ROR2: variants seen among roughly 807,000 people sequenced by gnomAD.
ROR2 encodes ROR family WNT receptor 2, also known as tyrosine-protein kinase transmembrane receptor ROR2.
Under a neutral mutation model 74.9 loss-of-function variants are expected in ROR2, and 33 were observed. The ratio of observed to expected loss-of-function variants is 0.44; its 90% CI spans 0.33 to 0.59. ROR2 has a LOEUF of 0.59. Ranked by LOEUF, ROR2 falls within the 20% of genes least tolerant of loss-of-function variation. ROR2 has a pLI of 0.02. For missense variants in ROR2, 1,216 were observed against 1,313.8 expected, an observed-to-expected ratio of 0.93 and a Z score of 1.15; for synonymous variants, 586 against 558.7, an observed-to-expected ratio of 1.05 and a Z score of -0.69.
chr9:91,834,599 G>A (rs1277858206), intron 1 of ROR2, among the ~76,000 whole-genome samples: 7 of 152,310 alleles, frequency 4.6e-5, no homozygotes, highest in Middle Eastern at 3.4e-3. Context: ...AAAGGTCAGC[G>A]AGATTCATGC....
At chr9:91,781,835 T>G (rs1049526638) in intron 1 of ROR2, among the ~76,000 whole-genome samples, 8 of 152,246 alleles carry the variant, frequency 5.3e-5, no homozygotes, top group Non-Finnish European at 8.8e-5. Flanking sequence ...TGAACTTTGC[T>G]GTGATTCCAC....
chr9:91,782,412 C>A lies in ROR2; in HGVS notation c.98-6594G>T, dbSNP rs187418584. Among the ~76,000 whole-genome samples the A allele has an allele frequency of 2.0e-5, 3 of 151,726 alleles. No individual in the cohort carries two copies. The East Asian group carries it at 5.8e-4, about 29-fold the overall frequency. On this transcript the variant is annotated intron_variant, in intron 1 of 8. Transcript: ENST00000375708. Reference sequence around the variant, plus strand: ...GGATGTAAAAAAGAAAAAAAAAACACCCTGATTAGAAAAGAAACTGCATTA... The same window carrying A: ...GGATGTAAAAAAGAAAAAAAAAACAACCTGATTAGAAAAGAAACTGCATTA...
chr9:91,785,142 C>T (rs1448318842), intron 1 of ROR2, among the ~76,000 whole-genome samples: 1 of 152,200 alleles, frequency 6.6e-6, no homozygotes, highest in African/African-American at 2.4e-5. Context: ...CTCCACTCCT[C>T]ATCTCTCCCT....
At chr9:91,818,614 C>T (rs965487001) in intron 1 of ROR2, among the ~76,000 whole-genome samples, 12 of 152,188 alleles carry the variant, frequency 7.9e-5, no homozygotes, top group African/African-American at 2.9e-4. Context: ...GCATATGCCA[C>T]AAAGGAAGTC....
At chr9:91,790,979 T>C (rs995102286) in intron 1 of ROR2, among the ~76,000 whole-genome samples, 1 of 152,246 alleles carries the variant, frequency 6.6e-6, no homozygotes, top group Non-Finnish European at 1.5e-5. Context: ...AAAATTTATA[T>C]AGTAAAAAGG....
chr9:91,925,158 T>G (rs1831363527), intron 1 of ROR2, among the ~76,000 whole-genome samples: 1 of 152,080 alleles, frequency 6.6e-6, no homozygotes, highest in African/African-American at 2.4e-5. Context: ...TGACCATGTT[T>G]GCATTTTTAA....
chr9:91,914,194 G>A (rs1831065542), intron 1 of ROR2, among the ~76,000 whole-genome samples: 1 of 152,082 alleles, frequency 6.6e-6, no homozygotes, highest in African/African-American at 2.4e-5. Flanking sequence ...AAGTACAAAG[G>A]CGCTTCCCTT....
intron 1 of ROR2, among the ~76,000 whole-genome samples, chr9:91,809,055 G>A (rs1365954177): frequency 6.6e-6 from 1 of 151,838 alleles, no homozygotes; most frequent in Non-Finnish European, 1.5e-5. Flanking sequence ...ATTTGGAAAT[G>A]GACATGCCCT....
intron 1 of ROR2, among the ~76,000 whole-genome samples, chr9:91,801,216 C>A (rs1362826113): frequency 1.3e-5 from 2 of 152,202 alleles, no homozygotes; most frequent in Non-Finnish European, 2.9e-5. Context: ...TAGTTTACTG[C>A]TCTTTGTTCA....
intron 1 of ROR2, among the ~76,000 whole-genome samples, chr9:91,834,919 CCAAG>C (rs1490536782): frequency 7.2e-5 from 11 of 152,286 alleles, no homozygotes; most frequent in African/African-American, 2.6e-4. Context: ...TACAACTTGA[CCAAG>C]CACTCTGCCA....
intron 1 of ROR2, among the ~76,000 whole-genome samples, chr9:91,939,715 G>A (rs1037403161): frequency 2.6e-5 from 4 of 152,068 alleles, no homozygotes; most frequent in Non-Finnish European, 5.9e-5. Context: ...AAAAGAAGAA[G>A]AGGGGCAGTA....
chr9:91,769,753 G>A (rs1025076456), intron 2 of ROR2, among the ~76,000 whole-genome samples: 3 of 152,066 alleles, frequency 2.0e-5, no homozygotes, highest in South Asian at 2.1e-4. Flanking sequence ...CTCCCGTCCC[G>A]GCCCCGCCTC....
chr9:91,923,384 CAATTA>C (rs1437212211), intron 1 of ROR2, among the ~76,000 whole-genome samples: 2 of 152,164 alleles, frequency 1.3e-5, no homozygotes, highest in African/African-American at 4.8e-5. Flanking sequence ...GAGTTAACTT[CAATTA>C]AATAGCCACA....
At chr9:91,801,861 T>C (rs1419373561) in intron 1 of ROR2, among the ~76,000 whole-genome samples, 2 of 152,166 alleles carry the variant, frequency 1.3e-5, no homozygotes, top group Non-Finnish European at 2.9e-5. Flanking sequence ...TGCCAAAGCA[T>C]GAGCTTGGCA....
rs1828124747 is a variant in ROR2, at chr9:91,821,064, G to A, written c.98-45246C>T. ...TGCAGTGAGCTGAGATCATGCCACT[G>A]CATTCCCGCCTGGGCAACAGAATGA... On this transcript the variant is annotated intron_variant, in intron 1 of 8. Coordinates refer to ENST00000375708, the MANE Select transcript of ROR2 (RefSeq NM_004560.4). Among the ~76,000 whole-genome samples the A allele has an allele frequency of 2.0e-5, 3 of 150,898 alleles. No individual in the cohort carries two copies. In the South Asian group the frequency reaches 6.3e-4, roughly 31 times the overall value.
At chr9:91,736,333 C>T (rs966141321) in intron 5 of ROR2, among the ~76,000 whole-genome samples, 8 of 152,180 alleles carry the variant, frequency 5.3e-5, no homozygotes, top group African/African-American at 1.7e-4. Context: ...CGAGGGTGAC[C>T]TGAACTTAGA....
At chr9:91,803,607 C>A in intron 1 of ROR2, among the ~76,000 whole-genome samples, 1 of 152,136 alleles carries the variant, frequency 6.6e-6, no homozygotes, top group East Asian at 1.9e-4. Context: ...ACAAAAAAAC[C>A]CACATAGAAC....
At chr9:91,858,084 T>TTGGC (rs769589375) in intron 1 of ROR2, among the ~76,000 whole-genome samples, 7 of 151,448 alleles carry the variant, frequency 4.6e-5, no homozygotes, top group Non-Finnish European at 1.0e-4. Context: ...GAAACAAAGG[T>TTGGC]TGGCCATGGC....
chr9:91,892,279 G>A (rs1278886659), intron 1 of ROR2, among the ~76,000 whole-genome samples: 1 of 152,228 alleles, frequency 6.6e-6, no homozygotes, highest in Non-Finnish European at 1.5e-5. Flanking sequence ...CTAGGTAAGT[G>A]CACCGGCAGG....
Sources: allele counts gnomAD v4.1 joint callset (sites outside exome capture counted in the v4.1 genomes callset), GRCh38; gene constraint gnomAD v4.1.1; transcripts MANE v1.5; gene names NCBI Gene and HGNC (gene_info 2026-07-23, HGNC 2026-07-21).